The following FHIT variants were observed in gnomAD, a reference collection of about 807,000 sequenced individuals.
The protein encoded by FHIT is fragile histidine triad diadenosine triphosphatase, also known as bis(5'-adenosyl)-triphosphatase.
Under a neutral mutation model 17.9 loss-of-function variants are expected in FHIT, and 19 were observed. That is an observed-to-expected ratio of 1.06 (90% confidence interval 0.74 to 1.56). The LOEUF is 1.56. Ranked by LOEUF, FHIT falls within the 40% of genes most tolerant of loss-of-function variation. FHIT has a pLI of 0.00. For synonymous variants in FHIT, 81 were observed against 69.7 expected, an observed-to-expected ratio of 1.16 and a Z score of -0.81; for missense variants, 248 against 189.2, an observed-to-expected ratio of 1.31 and a Z score of -1.82.
chr3:59,747,620 G>C lies in FHIT; in HGVS notation c.*1965C>G, dbSNP rs1199503040. Reference sequence around the variant, plus strand: ...CTTATAGTCTTTATTCTTATATAGGGCATCTCTGGATATAGGTGTTCACAT... The same window carrying C: ...CTTATAGTCTTTATTCTTATATAGGCCATCTCTGGATATAGGTGTTCACAT... On this transcript the variant is annotated 3_prime_UTR_variant, in exon 10 of 10. Transcript: ENST00000492590. 2.0e-5 allele frequency among the ~76,000 whole-genome samples: 3 copies of C among 152,060 alleles called. No individual in the cohort carries two copies. Among genetic ancestry groups the C allele is most frequent in the African/African-American group, 7.2e-5 (3 of 41,402 alleles).
At chr3:59,759,517 C>CAGAG (rs1701395028) in intron 8 of FHIT, among the ~76,000 whole-genome samples, 1 of 152,154 alleles carries the variant, frequency 6.6e-6, no homozygotes. Flanking sequence ...GTAAAGCACA[C>CAGAG]AGAGATCCTG....
chr3:60,607,403 A>G (rs2038641838), intron 4 of FHIT, among the ~76,000 whole-genome samples: 1 of 151,794 alleles, frequency 6.6e-6, no homozygotes, highest in Admixed American at 6.6e-5. Context: ...GGCAAATGGT[A>G]GAATTCTTTT....
At chr3:60,751,457 A>G (rs1160435744) in intron 4 of FHIT, among the ~76,000 whole-genome samples, 1 of 152,268 alleles carries the variant, frequency 6.6e-6, no homozygotes, top group Non-Finnish European at 1.5e-5. Context: ...AGGAAAATCC[A>G]AAAAGCAAAA....
chr3:59,885,537 G>A (rs1392742492), intron 8 of FHIT, among the ~76,000 whole-genome samples: 2 of 151,560 alleles, frequency 1.3e-5, no homozygotes, highest in Non-Finnish European at 2.9e-5. Flanking sequence ...AGCAACTGCA[G>A]CCTATTGGAT....
chr3:59,862,212 C>T (rs1702437055), intron 8 of FHIT, among the ~76,000 whole-genome samples: 1 of 152,208 alleles, frequency 6.6e-6, no homozygotes, highest in Non-Finnish European at 1.5e-5. Context: ...AAAGGAGAAG[C>T]AAAGGCACAT....
intron 5 of FHIT, among the ~76,000 whole-genome samples, chr3:60,069,242 T>C (rs895058089): frequency 6.6e-6 from 1 of 151,646 alleles, no homozygotes; most frequent in Non-Finnish European, 1.5e-5. Context: ...ATATTTTATA[T>C]ATTGTAATTT....
In FHIT at chr3:60,738,052, G is replaced by A. The variant is rs540011384; in HGVS notation, c.-18+83867C>T. Among the ~76,000 whole-genome samples the A allele has an allele frequency of 2.1e-4, 32 of 152,198 alleles. 1 individual carries two copies. The South Asian group carries it at 3.7e-3, about 18-fold the overall frequency. ...GAATTGTAGAGTACCTGTTAAGCTC[G>A]GCTGTGGGACTCTGCATACTGAGGC... On this transcript the variant is annotated intron_variant, in intron 4 of 9. Coordinates refer to ENST00000492590, the MANE Select transcript of FHIT (RefSeq NM_002012.4).
At chr3:61,083,297 GA>G (rs560841789) in intron 2 of FHIT, among the ~76,000 whole-genome samples, 1 of 152,128 alleles carries the variant, frequency 6.6e-6, no homozygotes, top group Non-Finnish European at 1.5e-5. Context: ...AATCACCCCA[GA>G]AAGAAACGTT....
chr3:61,173,564 TG>T (rs2038072844), intron 2 of FHIT, among the ~76,000 whole-genome samples: 1 of 152,224 alleles, frequency 6.6e-6, no homozygotes, highest in Non-Finnish European at 1.5e-5. Flanking sequence ...ATCAAAACTC[TG>T]GGGGTTATTT....
chr3:60,586,413 G>T (rs1553662014), intron 4 of FHIT, among the ~76,000 whole-genome samples: 1 of 151,952 alleles, frequency 6.6e-6, no homozygotes, highest in Non-Finnish European at 1.5e-5. Flanking sequence ...CTTCAGCAAA[G>T]AAGTGTCAGC....
chr3:60,699,164 T>G (rs782653889), intron 4 of FHIT, among the ~76,000 whole-genome samples: 1 of 152,328 alleles, frequency 6.6e-6, no homozygotes, highest in East Asian at 1.9e-4. Context: ...CAACTACTTA[T>G]GAGTACATAG....
At chr3:60,292,563 C>T (rs1708035253) in intron 5 of FHIT, among the ~76,000 whole-genome samples, 2 of 152,128 alleles carry the variant, frequency 1.3e-5, no homozygotes, top group South Asian at 2.1e-4. Flanking sequence ...AGGATAAGAG[C>T]ATATAATACT....
intron 4 of FHIT, among the ~76,000 whole-genome samples, chr3:60,814,080 T>C (rs1701655372): frequency 6.6e-6 from 1 of 152,160 alleles, no homozygotes; most frequent in Admixed American, 6.5e-5. Context: ...TTTTTATTTG[T>C]TTGGTTTCTT....
intron 4 of FHIT, among the ~76,000 whole-genome samples, chr3:60,608,806 C>T (rs949564195): frequency 6.6e-5 from 10 of 152,136 alleles, no homozygotes; most frequent in African/African-American, 2.4e-4. Context: ...AGAGAGAGAC[C>T]TAGTCATTAT....
At chr3:60,361,300 ATGG>A (rs1451036538) in intron 5 of FHIT, among the ~76,000 whole-genome samples, 1 of 152,224 alleles carries the variant, frequency 6.6e-6, no homozygotes. Flanking sequence ...CAGATCAGAG[ATGG>A]TGCTGTATTG....
intron 4 of FHIT, among the ~76,000 whole-genome samples, chr3:60,724,257 T>G (rs1230840347): frequency 6.6e-6 from 1 of 152,228 alleles, no homozygotes; most frequent in East Asian, 1.9e-4. Flanking sequence ...AGTGGCTTCT[T>G]TCACTTACCA....
At chr3:59,750,069 G>C (rs924678360) in intron 9 of FHIT, 2 of 225,322 alleles carry the variant, frequency 8.9e-6, no homozygotes, top group South Asian at 3.7e-4. Context: ...TAACAAGTTA[G>C]GGTAAATATC....
intron 5 of FHIT, among the ~76,000 whole-genome samples, chr3:60,116,459 T>C (rs7648665): frequency 0.27 from 40,303 of 151,996 alleles, 6,083 homozygotes; most frequent in Non-Finnish European, 0.35. Context: ...CTTTTCTTGC[T>C]TCTCCATAAA....
intron 7 of FHIT, among the ~76,000 whole-genome samples, chr3:60,001,855 G>T (rs1302403617): frequency 6.6e-6 from 1 of 152,068 alleles, no homozygotes; most frequent in African/African-American, 2.4e-5. Context: ...ATTACGTCTG[G>T]GAATTTATAC....
Sources: gnomAD v4.1 joint callset for allele counts (sites outside exome capture counted in the v4.1 genomes callset) on GRCh38, gnomAD v4.1.1 for gene constraint, MANE v1.5 for transcripts, NCBI Gene and HGNC (gene_info 2026-07-23, HGNC 2026-07-21) for gene names.